Variants in ANXA2 observed in about 807,000 individuals in gnomAD.
ANXA2 encodes annexin A2, also known as annexin II.
In ANXA2, 28 loss-of-function variants were observed where a neutral mutation model predicts 47.3. The observed-to-expected ratio is 0.59, with a 90% CI of 0.44 to 0.81. The LOEUF (loss-of-function observed/expected upper bound fraction) is 0.81. Ranked by LOEUF, ANXA2 falls within the 40% of genes least tolerant of loss-of-function variation. The pLI is 0.00. For missense variants in ANXA2, 384 were observed against 414.3 expected, an observed-to-expected ratio of 0.93 and a Z score of 0.64; for synonymous variants, 172 against 155.5, an observed-to-expected ratio of 1.11 and a Z score of -0.79.
At chr15:60,367,230 C>T (rs2062633979) in intron 3 of ANXA2, among the ~76,000 whole-genome samples, 1 of 115,634 alleles carries the variant, frequency 8.6e-6, no homozygotes, top group Non-Finnish European at 1.9e-5. Flanking sequence ...GGGGGTCAGC[C>T]CCCCGCCCGG....
Position 60,352,575 on chromosome 15 carries a change from T to C in ANXA2, c.589-99A>G, listed in dbSNP as rs1181594625. On this transcript the variant is annotated intron_variant, in intron 8 of 12. Transcript: ENST00000451270. This position sits in a 1 kb window ranked among gnomAD's most constrained non-coding sequence, Gnocchi z 4.2. Reference sequence around the variant, plus strand: ...AACAAAAAAAGCTACACATTCAAAATGCCAAACGAGGAAAGATGATTATAC... The same window carrying C: ...AACAAAAAAAGCTACACATTCAAAACGCCAAACGAGGAAAGATGATTATAC... 2 of 823,512 alleles carry C rather than the reference T, an allele frequency of 2.4e-6. No individual in the cohort carries two copies. Among genetic ancestry groups the C allele is most frequent in the East Asian group, 2.6e-5 (1 of 37,796 alleles). 51.0% of individuals were successfully genotyped at this position (823,512 alleles called of 1,614,324 possible).
chr15:60,386,029 T>C lies in ANXA2; in HGVS notation c.47A>G (p.Asp16Gly), dbSNP rs763711394. The C allele has an allele frequency of 6.2e-7, 1 of 1,610,240 alleles. No homozygotes were observed. Among genetic ancestry groups the C allele is most frequent in the South Asian group, 1.1e-5 (1 of 90,458 alleles). The change falls in exon 2 of 13, where the codon GAT becomes GGT. Residue 16 changes from aspartate to glycine, a missense_variant and splice_region_variant. Coordinates refer to ENST00000451270, the MANE Select transcript of ANXA2 (RefSeq NM_004039.3). The stretch of plus-strand genomic sequence containing the variant: ...ATAAAGTGAAAGTGATATACTTACA[T>C]CACCCTCCAAGCTGAGCTTGCACAG... The part of the protein sequence containing the change: ...EILCKLSLEG[D>G]HSTPPSAYGS...
At position 60,381,590 on chromosome 15, in the gene ANXA2, C is replaced by T. The variant is rs185057470; in HGVS notation, c.148+752G>A. On this transcript the variant is annotated intron_variant, in intron 3 of 12. Transcript: ENST00000451270. The stretch of plus-strand genomic sequence containing the variant: ...TATTTGCTTTATTTCAAGAGGAAGG[C>T]TTTTACGCCTCCTGGTCTTCTCTTA... 2.0e-5 allele frequency among the ~76,000 whole-genome samples: 3 copies of T among 152,266 alleles called. No homozygotes were observed. The East Asian group carries it at 5.8e-4, about 29-fold the overall frequency.
At chr15:60,365,859 T>TCCCCCC (rs2062589014) in intron 3 of ANXA2, among the ~76,000 whole-genome samples, 1 of 58,646 alleles carries the variant, frequency 1.7e-5, no homozygotes, top group Non-Finnish European at 3.5e-5. Flanking sequence ...CCCCTCCCCC[T>TCCCCCC]CCCCCTCCCT....
At chr15:60,364,106 G>A (rs917180054) in intron 4 of ANXA2, among the ~76,000 whole-genome samples, 7 of 152,186 alleles carry the variant, frequency 4.6e-5, no homozygotes, top group African/African-American at 1.4e-4. Flanking sequence ...GACCATCTGC[G>A]CTCTGCCTCC....
rs115862441 is a variant in ANXA2, at chr15:60,370,629, A to G, written c.149-6106T>C. 6.5e-3 allele frequency among the ~76,000 whole-genome samples: 989 copies of G among 152,188 alleles called. 6 individuals are homozygous for G. Among genetic ancestry groups the G allele is most frequent in the African/African-American group, 0.023 (941 of 41,512 alleles). On this transcript the variant is annotated intron_variant, in intron 3 of 12. Transcript: ENST00000451270. ...GATGCAACTGAAGGACTCGGACGGAACCTCGAATACCTATGTCAGCACAAT... is the reference window on the plus strand; with the variant it reads ...GATGCAACTGAAGGACTCGGACGGAGCCTCGAATACCTATGTCAGCACAAT...
intron 9 of ANXA2, 132 bp from the exon 10 acceptor site, chr15:60,351,951 G>C: frequency 1.5e-6 from 1 of 676,176 alleles, no homozygotes; most frequent in Non-Finnish European, 2.6e-6. Context: ...GAGCTTAGAG[G>C]TTACCACGGT....
In ANXA2 at chr15:60,347,367, A is replaced by G. The variant is rs1312748950; in HGVS notation, c.*263T>C. 1.9e-6 allele frequency: 1 copy of G among 534,374 alleles called. No individual in the cohort carries two copies. The highest frequency in any genetic ancestry group is 3.1e-5 in the East Asian group (1 of 32,684). The allele number at this position is 534,374 out of a possible 1,614,324, so 33.1% of individuals were successfully genotyped here. On this transcript the variant is annotated 3_prime_UTR_variant, in exon 13 of 13. Coordinates refer to ENST00000451270, the MANE Select transcript of ANXA2 (RefSeq NM_004039.3). ...ACAAATTCAGTTTATTCATCTGTTT[A>G]TGACACAGTACACAGGAGGCAAAGT...
intron 2 of ANXA2, among the ~76,000 whole-genome samples, chr15:60,385,021 G>A (rs1287126884): frequency 1.3e-5 from 2 of 152,112 alleles, no homozygotes; most frequent in Admixed American, 6.6e-5. Context: ...GATTCTAAAA[G>A]TATTTGAAAT....
intron 5 of ANXA2, among the ~76,000 whole-genome samples, chr15:60,359,947 C>G (rs2062488269): frequency 6.6e-6 from 1 of 152,202 alleles, no homozygotes; most frequent in Non-Finnish European, 1.5e-5. Flanking sequence ...GTGTGTGCAT[C>G]TATTGCATTT....
intron 1 of ANXA2, among the ~76,000 whole-genome samples, chr15:60,395,089 G>A (rs1444114462): frequency 1.3e-5 from 2 of 152,220 alleles, no homozygotes; most frequent in Non-Finnish European, 2.9e-5. Flanking sequence ...CTTCCCCGAG[G>A]TAGGTAAAAT....
At chr15:60,362,193 A>G (rs139601813) in intron 4 of ANXA2, among the ~76,000 whole-genome samples, 67 of 152,088 alleles carry the variant, frequency 4.4e-4, no homozygotes, top group African/African-American at 1.5e-3. Flanking sequence ...CAATTATAAC[A>G]CCAGTCTCCC....
chr15:60,369,826 C>T (rs2062688641), intron 3 of ANXA2, among the ~76,000 whole-genome samples: 1 of 152,230 alleles, frequency 6.6e-6, no homozygotes, highest in Non-Finnish European at 1.5e-5. Flanking sequence ...CTTCTACCAA[C>T]TGCTTTTGTG....
intron 7 of ANXA2, among the ~76,000 whole-genome samples, 156 bp from the exon 8 acceptor site, chr15:60,354,369 C>T (rs763157266): frequency 1.3e-5 from 2 of 152,246 alleles, no homozygotes; most frequent in Admixed American, 6.5e-5. Context: ...GGGCCGGGCA[C>T]GGTGGCTCAC....
intron 1 of ANXA2, among the ~76,000 whole-genome samples, chr15:60,388,664 G>A (rs775813364): frequency 2.7e-5 from 4 of 149,286 alleles, no homozygotes; most frequent in Non-Finnish European, 4.5e-5. Context: ...TGAATTCCTG[G>A]GCTCAAGCAA....
chr15:60,366,664 G>A (rs1314414256), intron 3 of ANXA2, among the ~76,000 whole-genome samples: 1 of 145,192 alleles, frequency 6.9e-6, no homozygotes, highest in Non-Finnish European at 1.5e-5. Context: ...CACCCCGTCC[G>A]GGAGGGAGGT....
chr15:60,397,936 C>G lies in ANXA2; in HGVS notation c.-12+7G>C. 1.5e-6 allele frequency: 2 copies of G among 1,317,210 alleles called. No homozygotes were observed. Among genetic ancestry groups the G allele is most frequent in the Non-Finnish European group, 1.9e-6 (2 of 1,032,590 alleles). 81.6% of individuals were successfully genotyped at this position (1,317,210 alleles called of 1,614,324 possible). A position where few individuals can be genotyped will look rare whatever the true frequency, so the allele number is the denominator to read the frequency against. ...CATCGCGGGCGGGCAGGGCGCGCCC[C>G]GCTTACCTGGGCCGTGCGCCGAGAG... On this transcript the variant is annotated splice_region_variant and intron_variant, in intron 1 of 12. Coordinates refer to ENST00000451270, the MANE Select transcript of ANXA2 (RefSeq NM_004039.3).
At chr15:60,385,671 G>A in intron 2 of ANXA2, 1 of 186,022 alleles carries the variant, frequency 5.4e-6, no homozygotes, top group Non-Finnish European at 1.1e-5. Context: ...TTTTGATATG[G>A]CTGTGGCTTA....
At chr15:60,370,689 C>T (rs2062699148) in intron 3 of ANXA2, among the ~76,000 whole-genome samples, 1 of 152,156 alleles carries the variant, frequency 6.6e-6, no homozygotes, top group South Asian at 2.1e-4. Context: ...GCCAGGACAC[C>T]AGAAAAGCTC....
Sources: allele counts gnomAD v4.1 joint callset (sites outside exome capture counted in the v4.1 genomes callset), GRCh38; gene constraint gnomAD v4.1.1; non-coding constraint Gnocchi (gnomAD v3.1); transcripts MANE v1.5; gene names NCBI Gene and HGNC (gene_info 2026-07-23, HGNC 2026-07-21).